Variants in RPL21 observed in about 807,000 individuals in gnomAD.
The protein encoded by RPL21 is large ribosomal subunit protein eL21.
Under a neutral mutation model 21.2 loss-of-function variants are expected in RPL21, and 1 was observed. The observed-to-expected ratio is 0.05, with a 90% CI of 0.02 to 0.22. The LOEUF is 0.22. RPL21 is among the 10% of genes least tolerant of loss of function. The pLI is 1.00. For missense variants in RPL21, 113 were observed against 199.4 expected, an observed-to-expected ratio of 0.57 and a Z score of 2.61; for synonymous variants, 52 against 62.9, an observed-to-expected ratio of 0.83 and a Z score of 0.82.
rs894934376 is a variant in RPL21 at position 27,255,390 on chromosome 13, A to G, written c.242+36A>G. ...TTGTAGTTCTTTGTGGCTAACCAGT[A>G]TTCCCTCATATACCCCCTTTTCACT... On this transcript the variant is annotated intron_variant, in intron 4 of 5. Coordinates refer to ENST00000311549, the MANE Select transcript of RPL21 (RefSeq NM_000982.4). The G allele has an allele frequency of 7.2e-6, 6 of 836,548 alleles. No homozygotes were observed. The African/African-American group carries it at 1.0e-4, about 14-fold the overall frequency. 51.8% of individuals were successfully genotyped at this position (836,548 alleles called of 1,614,324 possible).
chr13:27,253,038 T>G (rs949886942), intron 1 of RPL21, among the ~76,000 whole-genome samples: 5 of 152,208 alleles, frequency 3.3e-5, no homozygotes, highest in African/African-American at 1.2e-4. Flanking sequence ...AATGATAAAT[T>G]AGCTGCCGGT....
chr13:27,256,416 C>CT lies in RPL21; in HGVS notation c.394-11dup, dbSNP rs749953441. On this transcript the variant is annotated intron_variant, in intron 5 of 5. Coordinates refer to ENST00000311549, the MANE Select transcript of RPL21 (RefSeq NM_000982.4). ...ACACATCACATAATTATTTTATTCC[C>CT]TTTTTTTTTCCTTTAATAGCCTGCT... 1,681 of 1,546,062 alleles carry CT rather than the reference C, an allele frequency of 1.1e-3. 1 individual carries two copies. The Middle Eastern group carries it at 0.011, about 10-fold the overall frequency.
In RPL21 at chr13:27,255,368, T is replaced by C. The variant is rs748337276; in HGVS notation, c.242+14T>C. The C allele has an allele frequency of 6.8e-6, 7 of 1,033,130 alleles. No individual in the cohort carries two copies. Among genetic ancestry groups the C allele is most frequent in the South Asian group, 3.8e-5 (3 of 79,642 alleles). The allele number at this position is 1,033,130 out of a possible 1,614,324, so 64.0% of individuals were successfully genotyped here. On this transcript the variant is annotated intron_variant, in intron 4 of 5. Coordinates refer to ENST00000311549, the MANE Select transcript of RPL21 (RefSeq NM_000982.4). ...CAAACAAGTTAAGTAAGTAGTGTTG[T>C]AGTTCTTTGTGGCTAACCAGTATTC... is the stretch of plus-strand genomic sequence containing the variant.
intron 4 of RPL21, chr13:27,255,913 T>C (rs1881881642): frequency 2.1e-5 from 8 of 387,560 alleles, no homozygotes; most frequent in African/African-American, 1.5e-4. Context: ...TAGTAAACTT[T>C]TAAATTTTAT....
chr13:27,251,980 T>C (rs1881672175), intron 1 of RPL21: 1 of 152,346 alleles, frequency 6.6e-6, no homozygotes, highest in Non-Finnish European at 1.5e-5. Context: ...TTCTAACTCC[T>C]TTCAGTGTGG....
chr13:27,254,561 A>C, intron 3 of RPL21: 1 of 402,858 alleles, frequency 2.5e-6, no homozygotes, highest in South Asian at 2.6e-5. Context: ...TACCTGGCTA[A>C]TTTTGTATTT....
intron 4 of RPL21, 42 bp from the exon 5 acceptor site, chr13:27,256,142 T>C (rs199952033): frequency 8.1e-6 from 12 of 1,487,318 alleles, no homozygotes; most frequent in South Asian, 2.4e-5. Context: ...ATTTCTGTTA[T>C]ATTTTTGTTA....
At chr13:27,255,929 G>T (rs1185171273) in intron 4 of RPL21, 2 of 430,700 alleles carry the variant, frequency 4.6e-6, no homozygotes, top group African/African-American at 2.0e-5. Flanking sequence ...TTTATTAGCA[G>T]TCTGGTTTTA....
intron 2 of RPL21, 36 bp downstream of exon 2, chr13:27,253,879 A>G (rs1236530931): frequency 1.7e-6 from 2 of 1,197,036 alleles, no homozygotes; most frequent in South Asian, 1.2e-5. Context: ...GAAGCATGGC[A>G]CACATTTGTG....
intron 4 of RPL21, chr13:27,255,978 G>A (rs1881885018): frequency 7.1e-6 from 4 of 564,244 alleles, no homozygotes; most frequent in Non-Finnish European, 9.6e-6. Context: ...TCATCAAAGA[G>A]AGTTAAAAGT....
At position 27,256,402 on chromosome 13, in the gene RPL21, A is replaced by G. The variant is rs1424835376; in HGVS notation, c.394-34A>G. 3.8e-6 allele frequency: 6 copies of G among 1,565,944 alleles called. No individual in the cohort carries two copies. The South Asian group carries it at 6.7e-5, about 17-fold the overall frequency. Reference sequence around the variant, plus strand: ...AAGGTTGAGATTTAACACATCACATAATTATTTTATTCCCTTTTTTTTTCC... The same window carrying G: ...AAGGTTGAGATTTAACACATCACATGATTATTTTATTCCCTTTTTTTTTCC... On this transcript the variant is annotated intron_variant, in intron 5 of 5. Coordinates refer to ENST00000311549, the MANE Select transcript of RPL21 (RefSeq NM_000982.4).
intron 2 of RPL21, 138 bp downstream of exon 2, chr13:27,253,981 T>C: frequency 1.4e-6 from 1 of 712,700 alleles, no homozygotes; most frequent in East Asian, 2.7e-5. Flanking sequence ...CGTGATAAGG[T>C]AAATAAATTA....
intron 1 of RPL21, among the ~76,000 whole-genome samples, chr13:27,252,935 A>G (rs1254865008): frequency 6.6e-6 from 1 of 152,232 alleles, no homozygotes; most frequent in Non-Finnish European, 1.5e-5. Flanking sequence ...TCTGCCCTAT[A>G]ATGACTAAAG....
chr13:27,256,189 A>G lies in RPL21; in HGVS notation c.248A>G (p.Lys83Arg), dbSNP rs771786407. The stretch of plus-strand genomic sequence containing the variant: ...AGAATTTCTGCTCTGTCCAGGGGCA[A>G]GATTCTTGCCAAGAGAATTAATGTG... ...GIVVNKQVKG[K>R]ILAKRINVRI... The change falls in exon 5 of 6, where the codon AAG becomes AGG. Residue 83 changes from lysine to arginine, a missense_variant. Lys to Arg is a conservative substitution (Grantham distance 26). Transcript: ENST00000311549. 2.5e-6 allele frequency: 4 copies of G among 1,592,360 alleles called. No individual in the cohort carries two copies. Among genetic ancestry groups the G allele is most frequent in the Non-Finnish European group, 3.4e-6 (4 of 1,167,444 alleles).
chr13:27,254,387 A>T, intron 3 of RPL21, 106 bp downstream of exon 3: 2 of 325,218 alleles, frequency 6.1e-6, no homozygotes, highest in Non-Finnish European at 5.5e-6. Context: ...AAGAGTATAG[A>T]ATGGATTTTT....
At chr13:27,254,175 A>T in intron 2 of RPL21, 45 bp from the exon 3 acceptor site, 1 of 1,175,042 alleles carries the variant, frequency 8.5e-7, no homozygotes, top group Non-Finnish European at 1.3e-6. Context: ...CTTTTACTCT[A>T]GATTTTTAGC....
chr13:27,252,275 A>G (rs1434232138), intron 1 of RPL21, among the ~76,000 whole-genome samples: 1 of 152,166 alleles, frequency 6.6e-6, no homozygotes, highest in African/African-American at 2.4e-5. Context: ...TTGCACCAAG[A>G]GGAGATACTG....
At position 27,253,840 on chromosome 13, in the gene RPL21, C is replaced by T. The variant is rs1210703266; in HGVS notation, c.64C>T (p.His22Tyr). Residue 22 changes from histidine (H) to tyrosine (Y), a missense_variant, in exon 2 of 6, where the codon CAT becomes TAT. Coordinates refer to ENST00000311549, the MANE Select transcript of RPL21 (RefSeq NM_000982.4). The part of the protein sequence containing the change: ...RYMFSRPFRK[H>Y]GVVPLATYMR... Reference sequence around the variant, plus strand: ...TATGTTCTCTAGGCCTTTTAGAAAACATGGTAAGTAGGTTTACCTTCCTTG... The same window carrying T: ...TATGTTCTCTAGGCCTTTTAGAAAATATGGTAAGTAGGTTTACCTTCCTTG... 2 of 1,573,558 alleles carry T rather than the reference C, an allele frequency of 1.3e-6. No individual in the cohort carries two copies. Among genetic ancestry groups the T allele is most frequent in the Admixed American group, 3.3e-5 (2 of 59,950 alleles).
intron 1 of RPL21, 85 bp from the exon 2 acceptor site, chr13:27,253,680 T>C (rs1881755377): frequency 2.6e-6 from 2 of 778,676 alleles, no homozygotes; most frequent in Non-Finnish European, 2.3e-6. Flanking sequence ...ACTTCGCTAC[T>C]GAAATGTGAA....
Sources: gnomAD v4.1 joint callset for allele counts (sites outside exome capture counted in the v4.1 genomes callset) on GRCh38, gnomAD v4.1.1 for gene constraint, MANE v1.5 for transcripts, NCBI Gene and HGNC (gene_info 2026-07-23, HGNC 2026-07-21) for gene names.